Variants in SUGCT observed in about 807,000 individuals in gnomAD.
SUGCT encodes the protein succinyl-CoA:glutarate CoA-transferase.
Under a neutral mutation model 55.0 loss-of-function variants are expected in SUGCT, and 41 were observed. That is an observed-to-expected ratio of 0.74 (90% CI 0.58 to 0.97). The LOEUF (loss-of-function observed/expected upper bound fraction) is 0.97. Ranked by LOEUF, SUGCT falls within the 50% of genes least tolerant of loss-of-function variation. SUGCT has a pLI of 0.00. For synonymous variants in SUGCT, 187 were observed against 200.4 expected, an observed-to-expected ratio of 0.93 and a Z score of 0.56; for missense variants, 568 against 547.8, an observed-to-expected ratio of 1.04 and a Z score of -0.37.
At chr7:40,918,494 G>C in the SUGCT span, among the ~76,000 whole-genome samples, 1 of 148,950 alleles carries the variant, frequency 6.7e-6, no homozygotes, top group African/African-American at 2.5e-5. Flanking sequence ...GGGGGATATA[G>C]AAAAATCTGT....
chr7:40,951,138 C>A, the SUGCT span, among the ~76,000 whole-genome samples: 3 of 152,182 alleles, frequency 2.0e-5, no homozygotes, highest in South Asian at 6.2e-4. Flanking sequence ...AATTTCACAG[C>A]CTGTTATTGG....
intron 12 of SUGCT, among the ~76,000 whole-genome samples, chr7:40,600,853 G>A (rs1169754384): frequency 6.6e-6 from 1 of 151,662 alleles, no homozygotes; most frequent in Non-Finnish European, 1.5e-5. Context: ...AGACAATTTT[G>A]TTTTGTTTTT....
chr7:40,248,882 G>A (rs945999151), intron 7 of SUGCT, among the ~76,000 whole-genome samples: 20 of 130,362 alleles, frequency 1.5e-4, no homozygotes, highest in Admixed American at 6.3e-4. Context: ...GCGCGCGCGC[G>A]CGCTCGCACA....
At chr7:40,196,519 G>T (rs964518400) in intron 6 of SUGCT, among the ~76,000 whole-genome samples, 2 of 152,152 alleles carry the variant, frequency 1.3e-5, no homozygotes, top group African/African-American at 4.8e-5. Context: ...CTGGTAGTTG[G>T]CAAGGGGGTG....
chr7:40,251,906 A>G (rs1790440423), intron 7 of SUGCT, among the ~76,000 whole-genome samples: 1 of 151,752 alleles, frequency 6.6e-6, no homozygotes, highest in Non-Finnish European at 1.5e-5. Context: ...TCGGTTGTTA[A>G]TAGGACCAAT....
intron 9 of SUGCT, among the ~76,000 whole-genome samples, chr7:40,338,803 C>T (rs1796870193): frequency 1.3e-5 from 2 of 152,222 alleles, no homozygotes; most frequent in African/African-American, 4.8e-5. Flanking sequence ...AGCTGCATTC[C>T]TTTGTAGGGG....
At chr7:40,395,998 G>T (rs1217194680) in intron 9 of SUGCT, among the ~76,000 whole-genome samples, 1 of 152,090 alleles carries the variant, frequency 6.6e-6, no homozygotes, top group Non-Finnish European at 1.5e-5. Context: ...AGACTTCTGA[G>T]AACTAAAGCC....
chr7:41,027,531 G>A, the SUGCT span, among the ~76,000 whole-genome samples: 1 of 152,182 alleles, frequency 6.6e-6, no homozygotes, highest in African/African-American at 2.4e-5. Flanking sequence ...GTTCTGCGGT[G>A]TAAGAAGCAT....
At chr7:40,480,556 C>T (rs767685144) in intron 11 of SUGCT, among the ~76,000 whole-genome samples, 3 of 151,846 alleles carry the variant, frequency 2.0e-5, no homozygotes, top group Admixed American at 6.6e-5. Flanking sequence ...TAAAGAATGC[C>T]GTTGACATTT....
intron 13 of SUGCT, among the ~76,000 whole-genome samples, chr7:40,808,760 T>A (rs1311293128): frequency 1.3e-5 from 2 of 152,250 alleles, no homozygotes; most frequent in African/African-American, 4.8e-5. Flanking sequence ...ATGTAATTGT[T>A]GTCTCTTGGA....
chr7:40,334,704 C>T (rs1214411254), intron 9 of SUGCT, among the ~76,000 whole-genome samples: 1 of 152,130 alleles, frequency 6.6e-6, no homozygotes, highest in African/African-American at 2.4e-5. Flanking sequence ...CTGTAGGTTG[C>T]CTGTTCACTC....
At chr7:40,916,092 C>CACAT in the SUGCT span, among the ~76,000 whole-genome samples, 1 of 140,990 alleles carries the variant, frequency 7.1e-6, no homozygotes, top group Admixed American at 6.9e-5. Context: ...CACACACACA[C>CACAT]ACACACACAC....
intron 12 of SUGCT, among the ~76,000 whole-genome samples, chr7:40,666,142 G>A (rs1168019205): frequency 6.6e-6 from 1 of 151,832 alleles, no homozygotes; most frequent in African/African-American, 2.4e-5. Context: ...ATGGGGTCAG[G>A]AGATCGAGAC....
intron 8 of SUGCT, among the ~76,000 whole-genome samples, chr7:40,305,663 T>A (rs949870264): frequency 6.6e-6 from 1 of 152,102 alleles, no homozygotes; most frequent in Admixed American, 6.6e-5. Context: ...CAGTTATTTT[T>A]TTATTTTTAT....
At chr7:40,540,045 T>A (rs1794590663) in intron 12 of SUGCT, among the ~76,000 whole-genome samples, 1 of 152,224 alleles carries the variant, frequency 6.6e-6, no homozygotes, top group South Asian at 2.1e-4. Context: ...AGTGGTATAG[T>A]TGGGACTAAA....
At chr7:40,864,170 A>C (rs991872989), downstream of SUGCT, among the ~76,000 whole-genome samples, 2 of 152,102 alleles carry the variant, frequency 1.3e-5, no homozygotes, top group African/African-American at 4.8e-5. Context: ...AGTTCCTTTC[A>C]ACATCTCAGT....
At chr7:40,863,104 TG>T (rs1794524015), downstream of SUGCT, among the ~76,000 whole-genome samples, 1 of 152,042 alleles carries the variant, frequency 6.6e-6, no homozygotes, top group Non-Finnish European at 1.5e-5. Context: ...CCAGGCGTGG[TG>T]GGTGCCTGCC....
the SUGCT span, among the ~76,000 whole-genome samples, chr7:40,904,650 T>C: frequency 2.6e-5 from 4 of 152,166 alleles, no homozygotes; most frequent in African/African-American, 9.7e-5. Flanking sequence ...GCAATGTGAA[T>C]GTACTTGATG....
intron 8 of SUGCT, among the ~76,000 whole-genome samples, chr7:40,275,750 A>G (rs1792427996): frequency 6.6e-6 from 1 of 152,158 alleles, no homozygotes; most frequent in Non-Finnish European, 1.5e-5. Flanking sequence ...CCAGATAAAG[A>G]ATTCCTGGTT....
Sources: allele counts gnomAD v4.1 joint callset (sites outside exome capture counted in the v4.1 genomes callset), GRCh38; gene constraint gnomAD v4.1.1; transcripts MANE v1.5; gene names NCBI Gene and HGNC (gene_info 2026-07-23, HGNC 2026-07-21).